Variants in WASF2 observed in about 807,000 individuals in gnomAD.
WASF2 encodes the protein WASP family member 2.
Under a neutral mutation model 45.0 loss-of-function variants are expected in WASF2, and 14 were observed. The ratio of observed to expected loss-of-function variants is 0.31; its 90% CI spans 0.21 to 0.49. The LOEUF is 0.49. Ranked by LOEUF, WASF2 falls within the 20% of genes least tolerant of loss-of-function variation. The pLI is 0.99. For missense variants in WASF2, 439 were observed against 636.1 expected (o/e 0.69, Z 3.33); for synonymous variants, 200 against 236.3 (o/e 0.85, Z 1.41).
intron 1 of WASF2, among the ~76,000 whole-genome samples, chr1:27,450,809 T>G (rs2017374954): frequency 6.6e-6 from 1 of 151,658 alleles, no homozygotes; most frequent in South Asian, 2.1e-4. Context: ...TCCTTCTCCC[T>G]TCTTTTCTGT....
chr1:27,465,776 C>T (rs538553483), intron 1 of WASF2, among the ~76,000 whole-genome samples: 1 of 152,180 alleles, frequency 6.6e-6, no homozygotes, highest in Admixed American at 6.5e-5. Flanking sequence ...AATGAGGGAG[C>T]TAATAATGTG....
chr1:27,428,778 C>T lies in WASF2; in HGVS notation c.113G>A (p.Arg38Gln), dbSNP rs779144628. ...VTNITLANVI[R>Q]QLGSLSKYAE... Reference sequence around the variant, plus strand: ...GCACTCACTCAGGCTGCCCAGCTGTCGGATGACATTTGCCAGGGTGATGTT... The same window carrying T: ...GCACTCACTCAGGCTGCCCAGCTGTTGGATGACATTTGCCAGGGTGATGTT... The change falls in exon 2 of 9, where the codon CGA becomes CAA. Residue 38 changes from arginine (R) to glutamine (Q), a missense_variant. This residue lies in a region of WASF2 where 16 missense variants were observed against 51.1 expected (regional missense o/e 0.31). Coordinates refer to ENST00000618852, the MANE Select transcript of WASF2 (RefSeq NM_006990.5). 1.1e-5 allele frequency: 18 copies of T among 1,614,036 alleles called. No homozygotes were observed. The highest frequency in any genetic ancestry group is 1.4e-5 in the Non-Finnish European group (16 of 1,180,042).
intron 1 of WASF2, among the ~76,000 whole-genome samples, chr1:27,447,031 T>C (rs1340069029): frequency 6.6e-6 from 1 of 152,174 alleles, no homozygotes; most frequent in African/African-American, 2.4e-5. Context: ...CTCTATCAAC[T>C]GCCTTGAAAA....
Position 27,418,399 on chromosome 1 carries a change from G to A in WASF2, c.289C>T (p.Arg97Ter). The stretch of plus-strand genomic sequence containing the variant: ...ATGGTGGAACTTCTGAAGGCTTTTC[G>A]GGTGTTGATTCCTTGCAGTGACACT... ...EEVSLQGINTRKAFRSSTIQD... is the reference protein window; with the variant it reads ...EEVSLQGINT The change falls in exon 4 of 9, where the codon CGA becomes TGA. Residue 97 changes from arginine to a stop codon, truncating the protein, a stop_gained. Coordinates refer to ENST00000618852, the MANE Select transcript of WASF2 (RefSeq NM_006990.5). LOFTEE classifies it high-confidence loss of function. The A allele has an allele frequency of 1.2e-6, 2 of 1,614,210 alleles. No individual in the cohort carries two copies. The highest frequency in any genetic ancestry group is 1.1e-5 in the South Asian group (1 of 91,080).
chr1:27,408,744 C>T (rs1170920724), intron 8 of WASF2, among the ~76,000 whole-genome samples: 2 of 151,172 alleles, frequency 1.3e-5, no homozygotes, highest in South Asian at 2.1e-4. Context: ...GAACAAACCA[C>T]GATAACACCT....
intron 2 of WASF2, among the ~76,000 whole-genome samples, chr1:27,422,867 G>A (rs545567052): frequency 2.0e-4 from 31 of 151,844 alleles, no homozygotes; most frequent in Admixed American, 4.6e-4. Context: ...GGCCAGACAC[G>A]GTGGCTCATG....
chr1:27,457,153 T>C (rs925876598), intron 1 of WASF2: 2 of 152,102 alleles, frequency 1.3e-5, no homozygotes, highest in African/African-American at 2.4e-5. Context: ...GCTGGGATTA[T>C]AGGCATGAGC....
intron 1 of WASF2, among the ~76,000 whole-genome samples, chr1:27,455,414 T>C (rs943121483): frequency 3.3e-5 from 5 of 151,998 alleles, no homozygotes; most frequent in African/African-American, 1.2e-4. Context: ...TATCAACACA[T>C]GACATAGCAG....
intron 1 of WASF2, among the ~76,000 whole-genome samples, chr1:27,480,177 T>G (rs1313076909): frequency 5.3e-5 from 8 of 152,166 alleles, no homozygotes. Context: ...TTCTACACAG[T>G]TAAACAAAAT....
At position 27,409,774 on chromosome 1, in the gene WASF2, C is replaced by T. The variant is rs767276618; in HGVS notation, c.1257G>A (p.Pro419=). ...GADGQPAIPP[P]LSDTTKPKSS... ...ACTTGGGCTTGGTGGTATCAGAAAG[C>T]GGTGGTGGTATAGCAGGCTGGCCAT... The change falls in exon 8 of 9, where the codon CCG becomes CCA. Residue 419 remains proline, a synonymous_variant. Transcript: ENST00000618852. 74 of 1,547,572 alleles carry T rather than the reference C, an allele frequency of 4.8e-5. 1 individual carries two copies. The highest frequency in any genetic ancestry group is 1.6e-4 in the South Asian group (13 of 79,754).
intron 1 of WASF2, among the ~76,000 whole-genome samples, chr1:27,452,169 A>C (rs879692830): frequency 6.6e-6 from 1 of 152,244 alleles, no homozygotes; most frequent in Non-Finnish European, 1.5e-5. Context: ...AAGTGTCAGC[A>C]ATCTTTTCTT....
At chr1:27,464,494 C>T (rs984707283) in intron 1 of WASF2, among the ~76,000 whole-genome samples, 3 of 151,962 alleles carry the variant, frequency 2.0e-5, no homozygotes, top group East Asian at 1.9e-4. Flanking sequence ...ACATATATTA[C>T]TACTCCCAAT....
rs759466240 is a variant in WASF2 at position 27,409,930 on chromosome 1, A to G, written c.1101T>C (p.Pro367=). 2 of 1,599,622 alleles carry G rather than the reference A, an allele frequency of 1.3e-6. No homozygotes were observed. Among genetic ancestry groups the G allele is most frequent in the Non-Finnish European group, 1.7e-6 (2 of 1,172,386 alleles). ...PHPDFAAPPP[P]PPPPAADYPT... Reference sequence around the variant, plus strand: ...GGTAGTCAGCTGCTGGTGGTGGAGGAGGAGGTGGAGGGGCAGCAAAATCAG... The same window carrying G: ...GGTAGTCAGCTGCTGGTGGTGGAGGGGGAGGTGGAGGGGCAGCAAAATCAG... The change falls in exon 8 of 9, where the codon CCT becomes CCC. Residue 367 remains proline, a synonymous_variant. Coordinates refer to ENST00000618852, the MANE Select transcript of WASF2 (RefSeq NM_006990.5).
chr1:27,444,045 C>T (rs1451800869), intron 1 of WASF2, among the ~76,000 whole-genome samples: 1 of 152,120 alleles, frequency 6.6e-6, no homozygotes, highest in African/African-American at 2.4e-5. Context: ...TCTCAAAGTC[C>T]TGGGATTACA....
intron 1 of WASF2, among the ~76,000 whole-genome samples, chr1:27,449,099 G>A (rs1460141955): frequency 6.6e-6 from 1 of 152,116 alleles, no homozygotes; most frequent in Non-Finnish European, 1.5e-5. Context: ...TGCCCCAAAG[G>A]AAGCTGGCGT....
At chr1:27,467,491 C>G (rs1335912232) in intron 1 of WASF2, among the ~76,000 whole-genome samples, 1 of 149,718 alleles carries the variant, frequency 6.7e-6, no homozygotes, top group Admixed American at 6.6e-5. Context: ...TTAGTAGAGA[C>G]GGCATTTCAC....
At chr1:27,409,554 A>G (rs909750044) in intron 8 of WASF2, 138 bp downstream of exon 8, 1 of 1,256,462 alleles carries the variant, frequency 8.0e-7, no homozygotes, top group Non-Finnish European at 1.0e-6. Flanking sequence ...TCCCAGGCCT[A>G]ATGTCCCAAT....
chr1:27,444,994 C>T (rs1222049482), intron 1 of WASF2, among the ~76,000 whole-genome samples: 1 of 152,184 alleles, frequency 6.6e-6, no homozygotes, highest in African/African-American at 2.4e-5. Flanking sequence ...TCTTTTATAG[C>T]AGTCACTACA....
intron 7 of WASF2, among the ~76,000 whole-genome samples, chr1:27,411,308 T>A (rs2016757834): frequency 6.6e-6 from 1 of 152,224 alleles, no homozygotes; most frequent in African/African-American, 2.4e-5. Flanking sequence ...AATTCTCAGA[T>A]CTCTTTTCAG....
Sources: gnomAD v4.1 joint callset for allele counts (sites outside exome capture counted in the v4.1 genomes callset) on GRCh38, gnomAD v4.1.1 for gene constraint, gnomAD v4.1.1 regional missense constraint, MANE v1.5 for transcripts, NCBI Gene and HGNC (gene_info 2026-07-23, HGNC 2026-07-21) for gene names.